GDI2: variants seen among roughly 807,000 people sequenced by gnomAD.
GDI2 encodes rab GDP dissociation inhibitor beta.
A neutral mutation model predicts 54.2 loss-of-function variants in GDI2; 22 were observed. The observed-to-expected ratio is 0.41, with a 90% CI of 0.29 to 0.58. The LOEUF is 0.58. GDI2 is among the 20% of genes least tolerant of loss of function. The pLI is 0.35. For synonymous variants in GDI2, 177 were observed against 182.1 expected (o/e 0.97, Z 0.23); for missense variants, 422 against 546.0 (o/e 0.77, Z 2.26).
intron 7 of GDI2, among the ~76,000 whole-genome samples, chr10:5,770,646 G>A (rs1187733032): frequency 2.0e-5 from 3 of 151,980 alleles, no homozygotes; most frequent in African/African-American, 4.8e-5. Context: ...TAATACCACT[G>A]AACTGTACAC....
At chr10:5,796,153 C>T (rs1841142767) in intron 3 of GDI2, among the ~76,000 whole-genome samples, 1 of 151,890 alleles carries the variant, frequency 6.6e-6, no homozygotes, top group Admixed American at 6.6e-5. Flanking sequence ...AGTTCAAGAC[C>T]AGCCTGGCCA....
chr10:5,794,233 A>ATATATATATATATAT (rs1486909561), intron 4 of GDI2, among the ~76,000 whole-genome samples: 1 of 126,844 alleles, frequency 7.9e-6, no homozygotes, highest in South Asian at 2.6e-4. Flanking sequence ...ATATATATAT[A>ATATATATATATATAT]AAACTCACCA....
chr10:5,804,666 A>G (rs1287035934), intron 1 of GDI2, among the ~76,000 whole-genome samples: 2 of 152,212 alleles, frequency 1.3e-5, no homozygotes, highest in Admixed American at 1.3e-4. Context: ...CCCAGAGATG[A>G]GACAAATCCA....
At chr10:5,772,088 C>A (rs1007076901) in intron 7 of GDI2, among the ~76,000 whole-genome samples, 11 of 149,606 alleles carry the variant, frequency 7.4e-5, no homozygotes, top group Middle Eastern at 3.4e-3. Context: ...AAAAAAAAAA[C>A]ACACCATTTA....
In GDI2 at chr10:5,813,305, G is replaced by A. The variant is rs1841515748; in HGVS notation, c.-47C>T. The A allele has an allele frequency of 1.4e-6, 2 of 1,439,904 alleles. No individual in the cohort carries two copies. The highest frequency in any genetic ancestry group is 2.4e-5 in the East Asian group (1 of 41,294). 89.2% of individuals were successfully genotyped at this position (1,439,904 alleles called of 1,614,324 possible). ...GGACCCGAGCAAGGAAAAGGCGCAG[G>A]GGCTCCGTGACCACCCTACGAGGCT... On this transcript the variant is annotated 5_prime_UTR_variant, in exon 1 of 11. Coordinates refer to ENST00000380191, the MANE Select transcript of GDI2 (RefSeq NM_001494.4).
rs1009817792 is a variant in GDI2, at chr10:5,774,350, C to T, written c.720-409G>A. Reference sequence around the variant, plus strand: ...GAACTGAGGTTGCTGCAGACCCGTACGGATTCATCTCAGCACGGTAACATA... The same window carrying T: ...GAACTGAGGTTGCTGCAGACCCGTATGGATTCATCTCAGCACGGTAACATA... On this transcript the variant is annotated intron_variant, in intron 6 of 10. Transcript: ENST00000380191. This position sits in a 1 kb window ranked among gnomAD's most constrained non-coding sequence, Gnocchi z 4.8. Among the ~76,000 whole-genome samples, 3 of 152,148 alleles carry T rather than the reference C, an allele frequency of 2.0e-5. No homozygotes were observed. The highest frequency in any genetic ancestry group is 7.2e-5 in the African/African-American group (3 of 41,432).
intron 1 of GDI2, among the ~76,000 whole-genome samples, chr10:5,805,332 G>A (rs572954460): frequency 6.9e-6 from 1 of 144,714 alleles, no homozygotes; most frequent in Non-Finnish European, 1.5e-5. Context: ...TGAGTTAGTA[G>A]GTCTGAGGTT....
chr10:5,786,442 C>T (rs1349003554), intron 4 of GDI2, among the ~76,000 whole-genome samples: 1 of 151,984 alleles, frequency 6.6e-6, no homozygotes, highest in Non-Finnish European at 1.5e-5. Flanking sequence ...GCTGAGATTA[C>T]AGGCATGAGC....
At chr10:5,806,724 C>G (rs1227253949) in intron 1 of GDI2, among the ~76,000 whole-genome samples, 1 of 151,818 alleles carries the variant, frequency 6.6e-6, no homozygotes, top group East Asian at 1.9e-4. Context: ...AAGAAAACAA[C>G]CTAAAGCAGC....
chr10:5,811,542 G>C (rs549362984), intron 1 of GDI2, among the ~76,000 whole-genome samples: 27 of 151,146 alleles, frequency 1.8e-4, no homozygotes, highest in African/African-American at 5.1e-4. Context: ...AACAACCATA[G>C]AAAAACGGTG....
intron 6 of GDI2, among the ~76,000 whole-genome samples, chr10:5,777,630 A>G (rs534791530): frequency 7.9e-5 from 12 of 152,346 alleles, no homozygotes; most frequent in South Asian, 6.2e-4. Flanking sequence ...AAAAGCCAGG[A>G]AACAGCAGAT....
intron 4 of GDI2, among the ~76,000 whole-genome samples, chr10:5,789,599 T>C (rs1188471999): frequency 1.3e-5 from 2 of 152,034 alleles, no homozygotes; most frequent in African/African-American, 2.4e-5. Flanking sequence ...TTTGTGACAA[T>C]TTGAAAAAAC....
chr10:5,783,937 G>T (rs1180101355), intron 6 of GDI2, among the ~76,000 whole-genome samples: 2 of 152,168 alleles, frequency 1.3e-5, no homozygotes, highest in African/African-American at 4.8e-5. Context: ...TTTTTGTGAT[G>T]AATTTCCCAG....
At position 5,785,926 on chromosome 10, in the gene GDI2, C is replaced by T. The variant is rs1840863623; in HGVS notation, c.513G>A (p.Val171=). 2 of 1,611,502 alleles carry T rather than the reference C, an allele frequency of 1.2e-6. No individual in the cohort carries two copies. The highest frequency in any genetic ancestry group is 1.7e-5 in the Admixed American group (1 of 60,014). ...CTTGACCCAAATCAAATTTCTTATA[C>T]ACATCTCGCATTGTGGTCTTCTTAG... The part of the protein sequence containing the change: ...IDPKKTTMRD[V]YKKFDLGQDV... Residue 171 remains valine (V), a synonymous_variant, in exon 5 of 11, where the codon GTG becomes GTA. Coordinates refer to ENST00000380191, the MANE Select transcript of GDI2 (RefSeq NM_001494.4).
At chr10:5,803,303 T>C (rs985419747) in intron 1 of GDI2, among the ~76,000 whole-genome samples, 1 of 152,114 alleles carries the variant, frequency 6.6e-6, no homozygotes, top group African/African-American at 2.4e-5. Flanking sequence ...GCACCTGTAG[T>C]CCCTGCTACT....
chr10:5,781,413 G>T (rs1840751235), intron 6 of GDI2, among the ~76,000 whole-genome samples: 1 of 149,140 alleles, frequency 6.7e-6, no homozygotes, highest in Non-Finnish European at 1.5e-5. Flanking sequence ...GGATCATGAA[G>T]TCAGCAGATC....
rs1841496560 is a variant in GDI2, at chr10:5,812,447, G to GGGGAAAACAGTCCAGAA, written c.45+750_45+766dup. ...CAATCCATCACCAACCCAATTCTTAGGGGAAAACAGTCCAGAAGAGACAAA... is the reference window on the plus strand; with the variant it reads ...CAATCCATCACCAACCCAATTCTTAGGGGAAAACAGTCCAGAAGGGAAAACAGTCCAGAAGAGACAAA... On this transcript the variant is annotated intron_variant, in intron 1 of 10. Coordinates refer to ENST00000380191, the MANE Select transcript of GDI2 (RefSeq NM_001494.4). 4.6e-5 allele frequency among the ~76,000 whole-genome samples: 7 copies of GGGGAAAACAGTCCAGAA among 152,226 alleles called. No individual in the cohort carries two copies. The South Asian group carries it at 1.5e-3, about 32-fold the overall frequency.
At chr10:5,800,926 G>A (rs1052494484) in intron 1 of GDI2, among the ~76,000 whole-genome samples, 1 of 151,882 alleles carries the variant, frequency 6.6e-6, no homozygotes, top group Non-Finnish European at 1.5e-5. Flanking sequence ...ATAACACTAA[G>A]ACATTAGTCA....
In GDI2 at chr10:5,813,433, CT is replaced by C; in HGVS notation, c.-176del. Reference sequence around the variant, plus strand: ...GCCACCTCAGACGGGAAGAGAAGAACTGGGCGGGGAGAGGAGGGGAGGGAGC... The same window carrying C: ...GCCACCTCAGACGGGAAGAGAAGAACGGGCGGGGAGAGGAGGGGAGGGAGC... On this transcript the variant is annotated 5_prime_UTR_variant, in exon 1 of 11. Coordinates refer to ENST00000380191, the MANE Select transcript of GDI2 (RefSeq NM_001494.4). 1 of 282,244 alleles carries C rather than the reference CT, an allele frequency of 3.5e-6. No individual in the cohort carries two copies. The highest frequency in any genetic ancestry group is 6.9e-6 in the Non-Finnish European group (1 of 144,252). 17.5% of individuals were successfully genotyped at this position (282,244 alleles called of 1,614,324 possible).
Sources: allele counts gnomAD v4.1 joint callset (sites outside exome capture counted in the v4.1 genomes callset), GRCh38; gene constraint gnomAD v4.1.1; non-coding constraint Gnocchi (gnomAD v3.1); transcripts MANE v1.5; gene names NCBI Gene and HGNC (gene_info 2026-07-23, HGNC 2026-07-21).